TTC6: variants seen among roughly 807,000 people sequenced by gnomAD.
TTC6 encodes tetratricopeptide repeat domain 6.
A neutral mutation model predicts 210.4 loss-of-function variants in TTC6; 172 were observed. That is an observed-to-expected ratio of 0.82 (90% CI 0.72 to 0.93). TTC6 has a LOEUF of 0.93. TTC6 is among the 40% of genes least tolerant of loss of function. The pLI is 0.00. For synonymous variants in TTC6, 804 were observed against 819.6 expected (o/e 0.98, Z 0.32); for missense variants, 2,414 against 2,318.1 (o/e 1.04, Z -0.85).
At chr14:37,795,424 C>A in intron 18 of TTC6, 72 bp downstream of exon 20, 2 of 959,842 alleles carry the variant, frequency 2.1e-6, no homozygotes, top group Non-Finnish European at 3.0e-6. Flanking sequence ...ATCTTCAGTT[C>A]CCTCTTGAAC....
At chr14:37,627,100 C>A (rs900303716) in intron 1 of TTC6, among the ~76,000 whole-genome samples, 2 of 151,994 alleles carry the variant, frequency 1.3e-5, no homozygotes, top group Non-Finnish European at 2.9e-5. Context: ...GGCCCCTTCC[C>A]CCCACTCTCT....
intron 5 of TTC6, among the ~76,000 whole-genome samples, chr14:37,713,258 C>T (rs1446030673): frequency 1.3e-5 from 2 of 152,184 alleles, no homozygotes; most frequent in Non-Finnish European, 2.9e-5. Flanking sequence ...AACATTAGAA[C>T]CTTCTGCCTT....
At chr14:37,713,332 C>G (rs886566844) in intron 5 of TTC6, among the ~76,000 whole-genome samples, 20 of 152,110 alleles carry the variant, frequency 1.3e-4, no homozygotes, top group Non-Finnish European at 2.1e-4. Context: ...GAACCTCCAC[C>G]CCGAGTTAAA....
chr14:37,730,769 C>T (rs911693408), intron 7 of TTC6, among the ~76,000 whole-genome samples: 18 of 152,194 alleles, frequency 1.2e-4, no homozygotes, highest in African/African-American at 4.3e-4. Flanking sequence ...TGCCAGGCAG[C>T]CTCCAGTCAT....
At chr14:37,722,936 T>A (rs1183067985) in intron 6 of TTC6, among the ~76,000 whole-genome samples, 1 of 152,206 alleles carries the variant, frequency 6.6e-6, no homozygotes, top group African/African-American at 2.4e-5. Flanking sequence ...TTATTAGAAC[T>A]CTTCTATATA....
At chr14:37,643,100 G>C (rs987026555) in intron 1 of TTC6, among the ~76,000 whole-genome samples, 1 of 152,062 alleles carries the variant, frequency 6.6e-6, no homozygotes, top group South Asian at 2.1e-4. Context: ...TTGAGGTCAG[G>C]AGTTTGTGAC....
chr14:37,614,701 T>A (rs1566839753), intron 2 of TTC6, among the ~76,000 whole-genome samples: 1 of 152,152 alleles, frequency 6.6e-6, no homozygotes, highest in African/African-American at 2.4e-5. Context: ...AAAAAGAATA[T>A]GCATGCTAGG....
intron 14 of TTC6, among the ~76,000 whole-genome samples, chr14:37,786,123 T>C (rs2096066976): frequency 6.6e-6 from 1 of 152,168 alleles, no homozygotes; most frequent in Admixed American, 6.5e-5. Context: ...TCAAACTCCA[T>C]GCTGGGAGAA....
intron 1 of TTC6, among the ~76,000 whole-genome samples, chr14:37,670,561 C>G (rs1421218761): frequency 6.7e-6 from 1 of 148,270 alleles, no homozygotes; most frequent in East Asian, 2.0e-4. Context: ...ACCTCCACCT[C>G]CCAGGTTCAA....
At chr14:37,689,883 A>C (rs28753163) in intron 3 of TTC6, among the ~76,000 whole-genome samples, 1,947 of 152,266 alleles carry the variant, frequency 0.013, 36 homozygotes, top group African/African-American at 0.045. Context: ...TGAAGGTACA[A>C]ATCTCACTGG....
chr14:37,606,589 T>C lies in TTC6; in HGVS notation c.-234-74T>C, dbSNP rs112448784. The C allele has an allele frequency of 1.4e-3, 371 of 273,546 alleles. 1 individual carries two copies. Among genetic ancestry groups the C allele is most frequent in the African/African-American group, 8.0e-3 (350 of 43,692 alleles). The allele number at this position is 273,546 out of a possible 1,614,324, so 16.9% of individuals were successfully genotyped here. A position where few individuals can be genotyped will look rare whatever the true frequency, so the allele number is the denominator to read the frequency against. Reference sequence around the variant, plus strand: ...ATCAAAAGTGTCAATACCTTCCTAATATTGCTAGACCTTGAGTGACTCATT... The same window carrying C: ...ATCAAAAGTGTCAATACCTTCCTAACATTGCTAGACCTTGAGTGACTCATT... On this transcript the variant is annotated intron_variant, in intron 1 of 2. Coordinates refer to the TTC6 transcript ENST00000556845.
intron 14 of TTC6, among the ~76,000 whole-genome samples, chr14:37,766,719 A>G (rs143006824): frequency 0.031 from 4,680 of 152,292 alleles, 123 homozygotes; most frequent in Middle Eastern, 0.1. Context: ...TTCTTTGGGT[A>G]TATACCCAAT....
chr14:37,637,476 A>T (rs562792686), intron 1 of TTC6, among the ~76,000 whole-genome samples: 1 of 152,252 alleles, frequency 6.6e-6, no homozygotes, highest in South Asian at 2.1e-4. Flanking sequence ...GAAAAATCCA[A>T]TTAGAAAATG....
chr14:37,741,509 C>T (rs1230733331), intron 10 of TTC6, among the ~76,000 whole-genome samples: 3 of 151,900 alleles, frequency 2.0e-5, no homozygotes, highest in Admixed American at 6.6e-5. Flanking sequence ...AGGCTGGTCT[C>T]GAATTCCTGA....
intron 14 of TTC6, among the ~76,000 whole-genome samples, chr14:37,762,841 C>T (rs1208275826): frequency 1.3e-5 from 2 of 150,658 alleles, no homozygotes; most frequent in African/African-American, 4.9e-5. Flanking sequence ...CCCGCTTGAT[C>T]GTAGTGTATC....
chr14:37,672,911 C>T (rs2095761280), intron 1 of TTC6, among the ~76,000 whole-genome samples: 1 of 145,026 alleles, frequency 6.9e-6, no homozygotes, highest in Admixed American at 7.0e-5. Flanking sequence ...GTAGAATTTA[C>T]TTGAAACCCA....
In TTC6 at chr14:37,841,444, G is replaced by C; in HGVS notation, c.5299-1G>C. On this transcript the variant is annotated splice_acceptor_variant, in intron 29 of 30. Coordinates refer to ENST00000553443, the Ensembl canonical transcript of TTC6. LOFTEE classifies it high-confidence loss of function. ...TATATCATTATCTTCATATTTTGTA[G>C]GCCAGTGACTACTTCTCAAAAGCTT... 6.3e-7 allele frequency: 1 copy of C among 1,582,844 alleles called. No homozygotes were observed.
intron 6 of TTC6, among the ~76,000 whole-genome samples, chr14:37,724,006 G>T (rs35294705): frequency 0.057 from 8,657 of 151,956 alleles, 378 homozygotes; most frequent in Non-Finnish European, 0.089. Flanking sequence ...TCATACAGAA[G>T]AGTTTCACAT....
upstream of TTC6, among the ~76,000 whole-genome samples, chr14:37,617,834 A>T (rs1002585174): frequency 1.3e-5 from 2 of 152,196 alleles, no homozygotes; most frequent in African/African-American, 4.8e-5. Flanking sequence ...ATTGGCCTGA[A>T]GTTTAGGAGG....
Sources: gnomAD v4.1 joint callset for allele counts (sites outside exome capture counted in the v4.1 genomes callset) on GRCh38, gnomAD v4.1.1 for gene constraint, MANE v1.5 for transcripts, NCBI Gene and HGNC (gene_info 2026-07-23, HGNC 2026-07-21) for gene names.